GNL3L: variants seen among roughly 807,000 people sequenced by gnomAD.
The protein encoded by GNL3L is guanine nucleotide-binding protein-like 3-like protein.
In GNL3L, 4 loss-of-function variants were observed where a neutral mutation model predicts 42.9. That is an observed-to-expected ratio of 0.09 (90% confidence interval 0.05 to 0.21). GNL3L has a LOEUF of 0.21. GNL3L is among the 10% of genes least tolerant of loss of function. The pLI is 1.00. For missense variants in GNL3L, 412 were observed against 481.7 expected (o/e 0.86, Z 1.36); for synonymous variants, 159 against 176.3 (o/e 0.90, Z 0.78).
At chrX:54,549,196 TG>T (rs2147484970) in intron 9 of GNL3L, among the ~76,000 whole-genome samples, 1 of 111,618 alleles carries the variant, frequency 9.0e-6, no homozygotes, top group East Asian at 2.8e-4. Flanking sequence ...GGAAGCAGAC[TG>T]GACAAGGCTG....
At chrX:54,568,601 T>C (rs1469688638), downstream of GNL3L, among the ~76,000 whole-genome samples, 1 of 109,125 alleles carries the variant, frequency 9.2e-6, no homozygotes, top group Non-Finnish European at 1.9e-5. Context: ...TCGCCCAGGC[T>C]GTTGTGCAGT....
chrX:54,584,020 A>G (rs1339410074), intron 16 of GNL3L, among the ~76,000 whole-genome samples: 1 of 110,525 alleles, frequency 9.0e-6, no homozygotes, highest in African/African-American at 3.3e-5. Flanking sequence ...AATAAAAGCC[A>G]CGTATGACAG....
At chrX:54,630,951 C>A in the GNL3L span, among the ~76,000 whole-genome samples, 22 of 106,356 alleles carry the variant, frequency 2.1e-4, no homozygotes, top group Admixed American at 1.0e-3. Context: ...GGATTACAGG[C>A]GTCCATCACC....
chrX:54,626,154 G>A (rs747034091), downstream of GNL3L, among the ~76,000 whole-genome samples: 1 of 110,921 alleles, frequency 9.0e-6, no homozygotes, highest in Admixed American at 9.6e-5. Flanking sequence ...CTGTAATTTC[G>A]TATCTGTTAA....
chrX:54,547,550 C>A (rs968208371), intron 8 of GNL3L, among the ~76,000 whole-genome samples: 3 of 110,248 alleles, frequency 2.7e-5, no homozygotes, highest in African/African-American at 9.9e-5. Flanking sequence ...ACTAAAAATA[C>A]AAAAGTTAGC....
At chrX:54,541,215 C>A in intron 4 of GNL3L, 58 bp from the exon 5 acceptor site, 1 of 792,062 alleles carries the variant, frequency 1.3e-6, no homozygotes. Context: ...TGTCACCCAT[C>A]CCTCCCTTAG....
intron 16 of GNL3L, among the ~76,000 whole-genome samples, chrX:54,607,077 T>C (rs1232068011): frequency 2.2e-5 from 1 of 44,825 alleles, no homozygotes; most frequent in Admixed American, 2.3e-4. Flanking sequence ...TCTTTCTCTT[T>C]CTTTCTTCTT....
the GNL3L span, among the ~76,000 whole-genome samples, chrX:54,637,523 G>A: frequency 1.8e-5 from 2 of 112,025 alleles, no homozygotes; most frequent in Admixed American, 9.4e-5. Flanking sequence ...TTGAATGAAT[G>A]TTATGCCAGT....
chrX:54,544,005 G>T, intron 7 of GNL3L: 1 of 335,446 alleles, frequency 3.0e-6, no homozygotes, highest in South Asian at 7.4e-5. Context: ...TTTTCCCTGA[G>T]GGAACAGAGG....
downstream of GNL3L, among the ~76,000 whole-genome samples, chrX:54,624,432 CTTTT>C (rs1198563336): frequency 1.1e-5 from 1 of 90,107 alleles, no homozygotes; most frequent in Non-Finnish European, 2.1e-5. Flanking sequence ...TTTTTTTTTT[CTTTT>C]TCTTTTTTTT....
chrX:54,576,736 G>T (rs1267989312), intron 16 of GNL3L, among the ~76,000 whole-genome samples: 1 of 111,266 alleles, frequency 9.0e-6, no homozygotes, highest in Non-Finnish European at 1.9e-5. Context: ...AAGGTACTGG[G>T]ATTACAGGTG....
chrX:54,580,569 C>T (rs1448190108), intron 16 of GNL3L, among the ~76,000 whole-genome samples: 3 of 110,547 alleles, frequency 2.7e-5, no homozygotes, highest in African/African-American at 6.6e-5. Context: ...CCTGAGGAGT[C>T]GCCACAGTGA....
downstream of GNL3L, among the ~76,000 whole-genome samples, chrX:54,571,801 T>A (rs999228651): frequency 9.1e-6 from 1 of 109,527 alleles, no homozygotes; most frequent in Non-Finnish European, 1.9e-5. Flanking sequence ...TTTATAGATT[T>A]CATCAAATTT....
chrX:54,573,746 C>A (rs187678851), intron 16 of GNL3L, among the ~76,000 whole-genome samples: 1 of 110,710 alleles, frequency 9.0e-6, no homozygotes, highest in Non-Finnish European at 1.9e-5. Flanking sequence ...TTTGAACATA[C>A]GGAATATAGA....
chrX:54,539,683 A>G (rs1466050717), intron 3 of GNL3L, among the ~76,000 whole-genome samples: 1 of 111,629 alleles, frequency 9.0e-6, no homozygotes, highest in Non-Finnish European at 1.9e-5. Flanking sequence ...TAGGTCTGGC[A>G]TGGCATCCCA....
the GNL3L span, among the ~76,000 whole-genome samples, chrX:54,629,268 CTGAT>C: frequency 7.2e-5 from 8 of 110,874 alleles, no homozygotes; most frequent in African/African-American, 2.6e-4. Context: ...TTTCTCTTGT[CTGAT>C]TGCTCTGGCT....
rs749488588 is a variant in GNL3L, at chrX:54,603,796, AGTT to A, written c.*46-17043_*46-17041del. Among the ~76,000 whole-genome samples, 5 of 110,953 alleles carry A rather than the reference AGTT, an allele frequency of 4.5e-5. No individual in the cohort carries two copies. The South Asian group carries it at 1.9e-3, about 42-fold the overall frequency. ...ACTCTCTGGGTGAAGAATACATGGGAGTTGTTGTATTTATCTTGTAGTTTTCCC... is the reference window on the plus strand; with the variant it reads ...ACTCTCTGGGTGAAGAATACATGGGAGTTGTATTTATCTTGTAGTTTTCCC... On this transcript the variant is annotated intron_variant, in intron 16 of 16. Coordinates refer to the GNL3L transcript ENST00000674498.
intron 16 of GNL3L, among the ~76,000 whole-genome samples, chrX:54,581,209 A>T (rs982639403): frequency 1.8e-5 from 2 of 112,278 alleles, no homozygotes; most frequent in Admixed American, 1.9e-4. Context: ...GAATATTGAT[A>T]TTGATAAAGT....
chrX:54,643,544 T>C, the GNL3L span, among the ~76,000 whole-genome samples: 1 of 111,330 alleles, frequency 9.0e-6, no homozygotes, highest in African/African-American at 3.3e-5. Flanking sequence ...TTTATACCTG[T>C]TTATGATGTG....
Sources: allele counts gnomAD v4.1 joint callset (sites outside exome capture counted in the v4.1 genomes callset), GRCh38; gene constraint gnomAD v4.1.1; transcripts MANE v1.5; gene names NCBI Gene and HGNC (gene_info 2026-07-23, HGNC 2026-07-21).